The following CACNA1E variants were observed in gnomAD, a reference collection of about 807,000 sequenced individuals.
CACNA1E encodes calcium voltage-gated channel subunit alpha1 E.
In CACNA1E, 40 loss-of-function variants were observed where a neutral mutation model predicts 259.2. The observed-to-expected ratio is 0.15, with a 90% CI of 0.12 to 0.20. The LOEUF (loss-of-function observed/expected upper bound fraction) is 0.20, where lower values mean the gene tolerates loss of function less well. CACNA1E is among the 10% of genes least tolerant of loss of function. The probability of loss-of-function intolerance (pLI) is 1.00; values close to 1 mark genes in which losing one functional copy is unlikely to be tolerated. For missense variants in CACNA1E, 1,874 were observed against 3,040.1 expected (o/e 0.62, Z 9.02); for synonymous variants, 1,104 against 1,138.5 (o/e 0.97, Z 0.61).
rs763956186 is a variant in CACNA1E at position 181,783,682 on chromosome 1, T to C, written c.5368T>C (p.Leu1790=). Residue 1790 remains leucine, a synonymous_variant, in exon 40 of 48, where the codon TTG becomes CTG. Coordinates refer to ENST00000367573, the MANE Select transcript of CACNA1E (RefSeq NM_001205293.3). The stretch of plus-strand genomic sequence containing the variant: ...TTCTTTTTTCTCTTTCACACAGAGG[T>C]TGGTCCTGATGAACATGCCAGTAGC... ...RCPSKVAYKR[L]VLMNMPVAED... The C allele has an allele frequency of 2.5e-6, 4 of 1,580,422 alleles. No individual in the cohort carries two copies. Among genetic ancestry groups the C allele is most frequent in the South Asian group, 1.1e-5 (1 of 89,814 alleles).
rs191770851 is a variant in CACNA1E, at chr1:181,758,404, C to T, written c.4494+293C>T. 9.1e-4 allele frequency among the ~76,000 whole-genome samples: 139 copies of T among 152,262 alleles called. 1 individual carries two copies. Among genetic ancestry groups the T allele is most frequent in the Admixed American group, 1.8e-3 (27 of 15,298 alleles). ...AAATCAGGAGACAGAGATCCATCAT[C>T]ACGGGGTCTAAAGGAGCCTTGGAGT... On this transcript the variant is annotated intron_variant, in intron 31 of 47. Coordinates refer to ENST00000367573, the MANE Select transcript of CACNA1E (RefSeq NM_001205293.3). The surrounding 1 kb of genome is among the most constrained non-coding windows in gnomAD (Gnocchi z 4.2).
chr1:181,347,175 G>A (rs533695149), intron 1 of CACNA1E, among the ~76,000 whole-genome samples: 6 of 152,220 alleles, frequency 3.9e-5, no homozygotes, highest in South Asian at 2.1e-4. Context: ...TACTGTATGC[G>A]CACCAGGATC....
rs554478035 is a variant in CACNA1E at position 181,392,011 on chromosome 1, G to C, written c.-14-21122G>C. Among the ~76,000 whole-genome samples, 9 of 151,710 alleles carry C rather than the reference G, an allele frequency of 5.9e-5. No homozygotes were observed. In the East Asian group the frequency reaches 1.7e-3, roughly 29 times the overall value. ...GGAAGGACAGACCTCTTTTGGGCCA[G>C]GGATTGGTGAATGAGGAAGAGCCTC... is the stretch of plus-strand genomic sequence containing the variant. On this transcript the variant is annotated intron_variant, in intron 1 of 11. Coordinates refer to the CACNA1E transcript ENST00000524607.
chr1:181,662,350 T>C (rs1288580036), intron 7 of CACNA1E, among the ~76,000 whole-genome samples: 1 of 152,190 alleles, frequency 6.6e-6, no homozygotes, highest in African/African-American at 2.4e-5. Context: ...AGCTATTTAG[T>C]GTTAGACCTT....
chr1:181,371,950 G>A lies in CACNA1E; in HGVS notation c.-14-41183G>A, dbSNP rs182817541. Among the ~76,000 whole-genome samples the A allele has an allele frequency of 1.4e-3, 219 of 152,270 alleles. 1 individual carries two copies. The highest frequency in any genetic ancestry group is 5.2e-3 in the African/African-American group (215 of 41,556). On this transcript the variant is annotated intron_variant, in intron 1 of 11. Coordinates refer to the CACNA1E transcript ENST00000524607. ...ACCTGTTCCATTAGTCTATGTATCT[G>A]TTTTTGTACCAGTACCATGCTGTTT...
In CACNA1E at chr1:181,719,755, C is replaced by T; in HGVS notation, c.1643C>T (p.Thr548Ile). Reference sequence around the variant, plus strand: ...TGGCTGGCATTGCCTCTCTAGGTCACAGTGGGCAGTATCTTTGAAGTGGTC... The same window carrying T: ...TGGCTGGCATTGCCTCTCTAGGTCATAGTGGGCAGTATCTTTGAAGTGGTC... ...SSFNCFDFGV[T>I]VGSIFEVVWA... Residue 548 changes from threonine to isoleucine, a missense_variant, in exon 13 of 48, where the codon ACA (threonine) becomes ATA (isoleucine). Around this residue, in one of 14 missense-constraint regions of CACNA1E, gnomAD observed 102 missense variants for 279.4 expected, o/e 0.37. Transcript: ENST00000367573. 1 of 1,583,954 alleles carries T rather than the reference C, an allele frequency of 6.3e-7. No individual in the cohort carries two copies. The highest frequency in any genetic ancestry group is 1.7e-4 in the Middle Eastern group (1 of 6,012).
chr1:181,777,710 G>A (rs553357504), intron 38 of CACNA1E, among the ~76,000 whole-genome samples: 1 of 152,150 alleles, frequency 6.6e-6, no homozygotes, highest in Admixed American at 6.5e-5. Flanking sequence ...AACTTGCAAG[G>A]TGTTTGTGAG....
intron 7 of CACNA1E, among the ~76,000 whole-genome samples, chr1:181,655,655 C>T (rs1312365909): frequency 1.3e-5 from 2 of 151,890 alleles, no homozygotes; most frequent in South Asian, 2.1e-4. Flanking sequence ...ACAAGGGATT[C>T]GATGGAGGAG....
At chr1:181,676,511 T>G (rs937436006) in intron 7 of CACNA1E, among the ~76,000 whole-genome samples, 29 of 152,094 alleles carry the variant, frequency 1.9e-4, no homozygotes, top group Non-Finnish European at 2.9e-4. Context: ...CACGAGACTA[T>G]CTAGGGTGTA....
At chr1:181,363,515 G>A (rs1654043198) in intron 1 of CACNA1E, among the ~76,000 whole-genome samples, 1 of 152,216 alleles carries the variant, frequency 6.6e-6, no homozygotes, top group African/African-American at 2.4e-5. Flanking sequence ...TAAGGGACTA[G>A]AGGGGCAGGA....
Position 181,766,621 on chromosome 1 carries a change from T to G in CACNA1E, c.4881+10T>G, listed in dbSNP as rs1659043443. ...CATCATTGGGATGCAGGTGAGCTGG[T>G]AAATCAAGGGCCCGGTGGGGGACAG... is the stretch of plus-strand genomic sequence containing the variant. On this transcript the variant is annotated intron_variant, in intron 35 of 47. Coordinates refer to ENST00000367573, the MANE Select transcript of CACNA1E (RefSeq NM_001205293.3). 3 of 1,605,314 alleles carry G rather than the reference T, an allele frequency of 1.9e-6. No homozygotes were observed. The highest frequency in any genetic ancestry group is 2.6e-6 in the Non-Finnish European group (3 of 1,172,538).
At chr1:181,508,739 G>A (rs776476788) in intron 1 of CACNA1E, among the ~76,000 whole-genome samples, 1 of 152,188 alleles carries the variant, frequency 6.6e-6, no homozygotes, top group Non-Finnish European at 1.5e-5. Flanking sequence ...CGTCTGTGGT[G>A]TGTGTCTGCT....
At chr1:181,741,910 T>C (rs1656613752) in intron 25 of CACNA1E, among the ~76,000 whole-genome samples, 2 of 152,234 alleles carry the variant, frequency 1.3e-5, no homozygotes, top group Non-Finnish European at 1.5e-5. Context: ...TTGAGAGTTA[T>C]GATCCATCAC....
chr1:181,602,738 A>G (rs1158230707), intron 6 of CACNA1E, among the ~76,000 whole-genome samples: 1 of 152,206 alleles, frequency 6.6e-6, no homozygotes, highest in Non-Finnish European at 1.5e-5. Context: ...TTGCCACACT[A>G]GAAGCCAGTT....
chr1:181,339,525 T>C (rs1184295698), intron 1 of CACNA1E, among the ~76,000 whole-genome samples: 2 of 152,146 alleles, frequency 1.3e-5, no homozygotes, highest in African/African-American at 4.8e-5. Context: ...TGTATGTACA[T>C]ACCACATTTT....
At chr1:181,590,634 C>G (rs748445424) in intron 6 of CACNA1E, among the ~76,000 whole-genome samples, 1 of 152,034 alleles carries the variant, frequency 6.6e-6, no homozygotes, top group Non-Finnish European at 1.5e-5. Context: ...TGACCCAAGG[C>G]GGGGCCCTTC....
At chr1:181,725,136 C>G (rs1347588475) in intron 17 of CACNA1E, among the ~76,000 whole-genome samples, 3 of 152,238 alleles carry the variant, frequency 2.0e-5, no homozygotes, top group Non-Finnish European at 4.4e-5. Flanking sequence ...AAAAACCCTT[C>G]TCTTCACAGA....
At chr1:181,360,002 C>G (rs1275833107) in intron 1 of CACNA1E, among the ~76,000 whole-genome samples, 3 of 152,146 alleles carry the variant, frequency 2.0e-5, no homozygotes, top group Admixed American at 2.0e-4. Context: ...TTGACTCTCC[C>G]TCTCTCAATG....
intron 22 of CACNA1E, 74 bp downstream of exon 22, chr1:181,736,508 G>C: frequency 7.4e-7 from 1 of 1,359,562 alleles, no homozygotes; most frequent in Non-Finnish European, 1.0e-6. Flanking sequence ...CAGGGTGAAG[G>C]GGAGAGGAAG....
Sources: allele counts gnomAD v4.1 joint callset (sites outside exome capture counted in the v4.1 genomes callset), GRCh38; gene constraint gnomAD v4.1.1; regional missense constraint gnomAD v4.1.1; non-coding constraint Gnocchi (gnomAD v3.1); transcripts MANE v1.5; gene names NCBI Gene and HGNC (gene_info 2026-07-23, HGNC 2026-07-21).